The following ZNF138 variants were observed in gnomAD, a reference collection of about 807,000 sequenced individuals.
ZNF138 encodes the protein zinc finger protein 138, also known as zinc finger protein 138 (clone pHZ-32).
Under a neutral mutation model 33.0 loss-of-function variants are expected in ZNF138, and 33 were observed. That is an observed-to-expected ratio of 1.00 (90% CI 0.76 to 1.34). The LOEUF (loss-of-function observed/expected upper bound fraction) is 1.34. Ranked by LOEUF, ZNF138 falls within the 40% of genes most tolerant of loss-of-function variation. The pLI, the probability that ZNF138 is intolerant of heterozygous loss-of-function variation, is 0.00. For missense variants in ZNF138, 360 were observed against 370.8 expected (o/e 0.97, Z 0.24); for synonymous variants, 139 against 120.4 (o/e 1.15, Z -1.01).
At chr7:64,795,718 A>G (rs1035595717) in intron 1 of ZNF138, among the ~76,000 whole-genome samples, 1 of 150,200 alleles carries the variant, frequency 6.7e-6, no homozygotes, top group African/African-American at 2.5e-5. Flanking sequence ...AGGTACAGAG[A>G]TCTTATCAGA....
Position 64,798,794 on chromosome 7 carries a change from A to AT in ZNF138, c.3+4223_3+4224insT, listed in dbSNP as rs201513369. ...ACTCCGACTCAAAAAAAAAAAAAAA[A>AT]GGAAATTCTTCCTACATTGATCTTG... On this transcript the variant is annotated intron_variant, in intron 1 of 3. Coordinates refer to ENST00000307355, the MANE Select transcript of ZNF138 (RefSeq NM_001271639.2). Among the ~76,000 whole-genome samples, 889 of 151,016 alleles carry AT rather than the reference A, an allele frequency of 5.9e-3. 14 individuals carry two copies. The highest frequency in any genetic ancestry group is 0.021 in the African/African-American group (845 of 41,066).
intron 1 of ZNF138, among the ~76,000 whole-genome samples, chr7:64,804,545 G>A (rs893156593): frequency 6.7e-6 from 1 of 148,238 alleles, no homozygotes; most frequent in African/African-American, 2.5e-5. Flanking sequence ...TACAGGGAGA[G>A]GCGGAGGTGG....
chr7:64,819,060 ATAT>A (rs1404871514), intron 3 of ZNF138, among the ~76,000 whole-genome samples: 2 of 152,118 alleles, frequency 1.3e-5, no homozygotes, highest in Non-Finnish European at 1.5e-5. Context: ...TTTTACTTAC[ATAT>A]TATTATTTAA....
intron 1 of ZNF138, among the ~76,000 whole-genome samples, chr7:64,808,690 T>C (rs1296786048): frequency 4.0e-5 from 6 of 148,990 alleles, no homozygotes; most frequent in Non-Finnish European, 9.0e-5. Flanking sequence ...GGTCAGCAGA[T>C]AAACAAGTGA....
downstream of ZNF138, among the ~76,000 whole-genome samples, chr7:64,834,091 G>C (rs796655613): frequency 2.0e-4 from 30 of 152,158 alleles, no homozygotes; most frequent in African/African-American, 6.7e-4. Flanking sequence ...ACATAAAGAG[G>C]GTTGTAGTGC....
chr7:64,805,637 A>T (rs1025412030), intron 1 of ZNF138, among the ~76,000 whole-genome samples: 1 of 151,934 alleles, frequency 6.6e-6, no homozygotes, highest in East Asian at 1.9e-4. Flanking sequence ...AAGAGAGGAC[A>T]CCAGCCACTA....
the ZNF138 span, among the ~76,000 whole-genome samples, chr7:64,850,771 A>G: frequency 6.6e-6 from 1 of 152,180 alleles, no homozygotes; most frequent in Non-Finnish European, 1.5e-5. Flanking sequence ...AATGTGCCCA[A>G]TAAGTCCCCA....
chr7:64,852,370 A>G, the ZNF138 span: 2 of 1,408,146 alleles, frequency 1.4e-6, no homozygotes, highest in Non-Finnish European at 2.0e-6. Flanking sequence ...TAAAAACAAA[A>G]CCAAACAGCT....
At chr7:64,827,420 A>AT (rs1319324876) in intron 3 of ZNF138, among the ~76,000 whole-genome samples, 1 of 151,344 alleles carries the variant, frequency 6.6e-6, no homozygotes, top group Non-Finnish European at 1.5e-5. Flanking sequence ...AATTTTTTGT[A>AT]TTTTTAGTAG....
chr7:64,847,341 T>TTTC, the ZNF138 span, among the ~76,000 whole-genome samples: 1 of 146,366 alleles, frequency 6.8e-6, no homozygotes, highest in Non-Finnish European at 1.5e-5. Context: ...TATTTTTTTT[T>TTTC]TTTTTTTCTG....
chr7:64,823,724 G>A (rs1789353615), intron 3 of ZNF138, among the ~76,000 whole-genome samples: 1 of 152,160 alleles, frequency 6.6e-6, no homozygotes, highest in Non-Finnish European at 1.5e-5. Context: ...TGGATCACGA[G>A]GTCAGGAGTT....
chr7:64,794,502 G>A lies in ZNF138; in HGVS notation c.-67G>A, dbSNP rs1786527184. On this transcript the variant is annotated 5_prime_UTR_variant, in exon 1 of 4. It adds an upstream start codon to the 5' untranslated region. Transcript: ENST00000307355. ...TCTTACTCCTAGAGGCCCAGCCTCTGTGGCGCTGTGATCTGGTTATTGGGA... is the reference window on the plus strand; with the variant it reads ...TCTTACTCCTAGAGGCCCAGCCTCTATGGCGCTGTGATCTGGTTATTGGGA... 26 of 1,609,074 alleles carry A rather than the reference G, an allele frequency of 1.6e-5. No individual in the cohort carries two copies. The highest frequency in any genetic ancestry group is 2.2e-5 in the Non-Finnish European group (26 of 1,176,670).
chr7:64,805,820 A>G (rs1018206234), intron 1 of ZNF138, among the ~76,000 whole-genome samples: 2 of 152,228 alleles, frequency 1.3e-5, no homozygotes, highest in Non-Finnish European at 2.9e-5. Context: ...TGAAGATGTG[A>G]AAAGTTTATT....
chr7:64,797,968 T>G (rs1457396301), intron 1 of ZNF138, among the ~76,000 whole-genome samples: 1 of 152,022 alleles, frequency 6.6e-6, no homozygotes, highest in Non-Finnish European at 1.5e-5. Context: ...TGAGACAGAG[T>G]CTTACTTTGT....
At chr7:64,819,906 A>C (rs965217941) in intron 3 of ZNF138, among the ~76,000 whole-genome samples, 1 of 149,726 alleles carries the variant, frequency 6.7e-6, no homozygotes, top group African/African-American at 2.5e-5. Context: ...TTCAACTACA[A>C]ATTTTTTTTT....
At chr7:64,850,925 T>A in the ZNF138 span, among the ~76,000 whole-genome samples, 1 of 152,222 alleles carries the variant, frequency 6.6e-6, no homozygotes, top group Non-Finnish European at 1.5e-5. Flanking sequence ...GGTATAATAG[T>A]AGTTGAATGT....
chr7:64,820,858 C>G (rs890596809), intron 3 of ZNF138, among the ~76,000 whole-genome samples: 3 of 151,230 alleles, frequency 2.0e-5, no homozygotes, highest in African/African-American at 7.4e-5. Context: ...GCCACTGCAC[C>G]CAGCCCATAA....
chr7:64,851,781 T>C, the ZNF138 span, among the ~76,000 whole-genome samples: 2 of 152,194 alleles, frequency 1.3e-5, no homozygotes, highest in Non-Finnish European at 2.9e-5. Flanking sequence ...AAATAAGATT[T>C]CTTTTTTGTC....
chr7:64,810,619 G>A (rs1234082064), intron 1 of ZNF138, among the ~76,000 whole-genome samples: 1 of 151,550 alleles, frequency 6.6e-6, no homozygotes, highest in Non-Finnish European at 1.5e-5. Flanking sequence ...AAGATTAGAA[G>A]TTCACAAACT....
Sources: allele counts gnomAD v4.1 joint callset (sites outside exome capture counted in the v4.1 genomes callset), GRCh38; gene constraint gnomAD v4.1.1; transcripts MANE v1.5; gene names NCBI Gene and HGNC (gene_info 2026-07-23, HGNC 2026-07-21).